The following YTHDC2 variants were observed in gnomAD, a reference collection of about 807,000 sequenced individuals.
YTHDC2 encodes YTH N6-methyladenosine RNA binding protein C2, also known as 3'-5' RNA helicase YTHDC2.
Under a neutral mutation model 174.9 loss-of-function variants are expected in YTHDC2, and 45 were observed. The observed-to-expected ratio is 0.26, with a 90% CI of 0.20 to 0.33. The LOEUF is 0.33. YTHDC2 is among the 10% of genes least tolerant of loss of function. The pLI, the probability that YTHDC2 is intolerant of heterozygous loss-of-function variation, is 1.00. For missense variants in YTHDC2, 1,650 were observed against 1,723.7 expected (o/e 0.96, Z 0.76); for synonymous variants, 657 against 574.5 (o/e 1.14, Z -2.05).
At position 113,581,559 on chromosome 5, in the gene YTHDC2, C is replaced by T. The variant is rs946177176; in HGVS notation, c.3497C>T (p.Ser1166Phe). Reference protein sequence around the residue: ...IIAVLSTEEQSAGLQQPSGIG... With the variant: ...IIAVLSTEEQFAGLQQPSGIG... ...GCTGTTTTAAGCACTGAAGAACAGT[C>T]TGCAGGTTTACAACAACCATCTGGG... The change falls in exon 25 of 30, where the codon TCT (serine) becomes TTT (phenylalanine). Residue 1166 changes from serine (S) to phenylalanine (F), a missense_variant. Coordinates refer to ENST00000161863, the MANE Select transcript of YTHDC2 (RefSeq NM_022828.5). The T allele has an allele frequency of 6.2e-7, 1 of 1,614,082 alleles. No individual in the cohort carries two copies.
rs2112497721 is a variant in YTHDC2, at chr5:113,513,892, G to A, written c.-4G>A. ...CCGTGCGGAGAGACCATCTCTTCAG[G>A]GCAATGTCCAGGCCGAGCAGCGTCT... is the stretch of plus-strand genomic sequence containing the variant. On this transcript the variant is annotated 5_prime_UTR_variant, in exon 1 of 30. Coordinates refer to ENST00000161863, the MANE Select transcript of YTHDC2 (RefSeq NM_022828.5). 3.1e-6 allele frequency: 5 copies of A among 1,601,750 alleles called. No homozygotes were observed. The South Asian group carries it at 5.6e-5, about 18-fold the overall frequency.
In YTHDC2 at chr5:113,561,112, G is replaced by T; in HGVS notation, c.2249G>T (p.Arg750Leu). 2 of 1,608,284 alleles carry T rather than the reference G, an allele frequency of 1.2e-6. No homozygotes were observed. The highest frequency in any genetic ancestry group is 1.7e-6 in the Non-Finnish European group (2 of 1,176,648). Reference protein sequence around the residue: ...AGRCRPGICFRLFSRLRFQNM... With the variant: ...AGRCRPGICFLLFSRLRFQNM... Reference sequence around the variant, plus strand: ...CGATGTAGACCTGGAATTTGTTTTCGTCTGTTCAGTAGACTCCGATTCCAG... The same window carrying T: ...CGATGTAGACCTGGAATTTGTTTTCTTCTGTTCAGTAGACTCCGATTCCAG... The change falls in exon 18 of 30, where the codon CGT becomes CTT. Residue 750 changes from arginine (R) to leucine (L), a missense_variant. Physicochemically the swap from Arg to Leu is moderately radical, Grantham distance 102 (BLOSUM62 -2). Coordinates refer to ENST00000161863, the MANE Select transcript of YTHDC2 (RefSeq NM_022828.5).
chr5:113,528,920 G>A (rs1254235126), intron 4 of YTHDC2, among the ~76,000 whole-genome samples: 1 of 152,022 alleles, frequency 6.6e-6, no homozygotes, highest in Non-Finnish European at 1.5e-5. Context: ...GTTTTTGGTG[G>A]TAGTGGTGGT....
chr5:113,593,469 C>G lies in YTHDC2; in HGVS notation c.*8-13C>G. On this transcript the variant is annotated splice_polypyrimidine_tract_variant and intron_variant, in intron 29 of 29. Transcript: ENST00000161863. ...TTCAGATTATTTATCTTTTTTTTTC[C>G]CCTTTCTTCTAGAACTCTTAGCTGT... is the stretch of plus-strand genomic sequence containing the variant. The G allele has an allele frequency of 8.5e-7, 1 of 1,169,992 alleles. No homozygotes were observed. 72.5% of individuals were successfully genotyped at this position (1,169,992 alleles called of 1,614,324 possible).
intron 18 of YTHDC2, among the ~76,000 whole-genome samples, chr5:113,563,158 A>G (rs1561677829): frequency 6.6e-6 from 1 of 151,916 alleles, no homozygotes; most frequent in Non-Finnish European, 1.5e-5. Flanking sequence ...CAATCTTGGT[A>G]TAAGTTGATT....
At chr5:113,530,840 TA>T (rs1005821064) in intron 4 of YTHDC2, among the ~76,000 whole-genome samples, 2 of 151,934 alleles carry the variant, frequency 1.3e-5, no homozygotes, top group Admixed American at 1.3e-4. Context: ...GTAAAGAACT[TA>T]AAAAAAACAT....
chr5:113,531,765 A>G (rs369271703), intron 4 of YTHDC2, among the ~76,000 whole-genome samples: 2 of 152,202 alleles, frequency 1.3e-5, no homozygotes, highest in Non-Finnish European at 2.9e-5. Context: ...ACAGTTTAAA[A>G]AATGAAAATA....
At chr5:113,560,394 T>G (rs1776882768) in intron 17 of YTHDC2, among the ~76,000 whole-genome samples, 3 of 152,188 alleles carry the variant, frequency 2.0e-5, no homozygotes, top group Non-Finnish European at 4.4e-5. Flanking sequence ...TCCACAAACT[T>G]TTTGAAGTCC....
intron 2 of YTHDC2, among the ~76,000 whole-genome samples, chr5:113,518,698 T>C (rs1773657802): frequency 6.6e-6 from 1 of 151,980 alleles, no homozygotes; most frequent in African/African-American, 2.4e-5. Flanking sequence ...AGTCTCTCAT[T>C]GACTCATTCT....
At chr5:113,530,795 T>G (rs933731042) in intron 4 of YTHDC2, among the ~76,000 whole-genome samples, 7 of 152,194 alleles carry the variant, frequency 4.6e-5, no homozygotes, top group Admixed American at 2.0e-4. Flanking sequence ...ATTATGAAGA[T>G]TCAAGTTTCT....
intron 23 of YTHDC2, among the ~76,000 whole-genome samples, chr5:113,575,579 C>G (rs1426441822): frequency 6.6e-6 from 1 of 152,038 alleles, no homozygotes; most frequent in Non-Finnish European, 1.5e-5. Context: ...AGATTCTGTG[C>G]TAGGAAATTA....
chr5:113,577,489 T>C (rs1267054521), intron 23 of YTHDC2, among the ~76,000 whole-genome samples: 2 of 151,804 alleles, frequency 1.3e-5, no homozygotes, highest in Admixed American at 6.6e-5. Flanking sequence ...CCCACCTCAG[T>C]CTCTCGAGTA....
intron 4 of YTHDC2, among the ~76,000 whole-genome samples, chr5:113,531,934 AATTT>A (rs1774698833): frequency 6.6e-6 from 1 of 152,122 alleles, no homozygotes; most frequent in Admixed American, 6.6e-5. Flanking sequence ...CTAAATTAAA[AATTT>A]ATTTACTCCA....
rs1473488511 is a variant in YTHDC2, at chr5:113,533,168, A to G, written c.842+123A>G. On this transcript the variant is annotated intron_variant, in intron 5 of 29. Transcript: ENST00000161863. ...TGATCATTTTGCTCCAAGTAAGTCT[A>G]CATCAAGATATTAAAGTCATGTCTA... 6.7e-6 allele frequency: 7 copies of G among 1,049,336 alleles called. No individual in the cohort carries two copies. The African/African-American group carries it at 1.1e-4, about 17-fold the overall frequency. 65.0% of individuals were successfully genotyped at this position (1,049,336 alleles called of 1,614,324 possible).
chr5:113,533,599 C>T (rs778303164), intron 5 of YTHDC2, among the ~76,000 whole-genome samples: 6 of 151,892 alleles, frequency 4.0e-5, no homozygotes, highest in Non-Finnish European at 8.8e-5. Flanking sequence ...GTTATTTTAC[C>T]TCTTTGAGCC....
At chr5:113,573,097 G>T (rs1158804128) in intron 23 of YTHDC2, among the ~76,000 whole-genome samples, 1 of 152,150 alleles carries the variant, frequency 6.6e-6, no homozygotes, top group Non-Finnish European at 1.5e-5. Context: ...TTTTGTAGTG[G>T]CTGGTAATGG....
chr5:113,588,918 C>G (rs1010750246), intron 26 of YTHDC2, among the ~76,000 whole-genome samples: 8 of 152,058 alleles, frequency 5.3e-5, no homozygotes, highest in Non-Finnish European at 1.2e-4. Flanking sequence ...AGCCACCATG[C>G]CTGGCCAACA....
At chr5:113,533,428 A>T (rs1774828377) in intron 5 of YTHDC2, among the ~76,000 whole-genome samples, 1 of 152,022 alleles carries the variant, frequency 6.6e-6, no homozygotes, top group African/African-American at 2.4e-5. Flanking sequence ...GCATGCCTGT[A>T]ATCCCAGCTA....
chr5:113,537,911 C>G (rs13166822), intron 7 of YTHDC2, among the ~76,000 whole-genome samples: 12,231 of 152,038 alleles, frequency 0.08, 709 homozygotes, highest in Non-Finnish European at 0.11. Context: ...CTTGGGTGAT[C>G]AGGGACATCA....
Sources: gnomAD v4.1 joint callset for allele counts (sites outside exome capture counted in the v4.1 genomes callset) on GRCh38, gnomAD v4.1.1 for gene constraint, MANE v1.5 for transcripts, NCBI Gene and HGNC (gene_info 2026-07-23, HGNC 2026-07-21) for gene names.